Variants in NUBP2 observed in about 807,000 individuals in gnomAD.
NUBP2 encodes the protein NUBP iron-sulfur cluster assembly factor 2, cytosolic, also known as cytosolic Fe-S cluster assembly factor NUBP2.
Under a neutral mutation model 24.9 loss-of-function variants are expected in NUBP2, and 23 were observed. The ratio of observed to expected loss-of-function variants is 0.92; its 90% CI spans 0.66 to 1.31. The LOEUF is 1.31. NUBP2 is among the 50% of genes most tolerant of loss of function. The probability of loss-of-function intolerance (pLI) is 0.00; values close to 1 mark genes in which losing one functional copy is unlikely to be tolerated. For missense variants in NUBP2, 403 were observed against 386.5 expected, an observed-to-expected ratio of 1.04 and a Z score of -0.36; for synonymous variants, 186 against 170.9, an observed-to-expected ratio of 1.09 and a Z score of -0.69.
chr16:1,787,008 G>A, intron 3 of NUBP2, 53 bp downstream of exon 3: 2 of 1,440,202 alleles, frequency 1.4e-6, no homozygotes, highest in Non-Finnish European at 1.8e-6. Flanking sequence ...TAGCGTCCGT[G>A]CCGGCCTCTC....
chr16:1,784,060 C>T (rs1214780374), intron 1 of NUBP2: 8 of 975,214 alleles, frequency 8.2e-6, no homozygotes, highest in Non-Finnish European at 9.7e-6. Context: ...GACGGATTTA[C>T]TACAAAGTAA....
At chr16:1,786,049 G>A (rs954769433) in intron 1 of NUBP2, 43 of 1,129,674 alleles carry the variant, frequency 3.8e-5, no homozygotes, top group African/African-American at 3.4e-4. Flanking sequence ...TGCAGGGACC[G>A]AGAGCCGGGG....
Position 1,788,187 on chromosome 16 carries a change from T to C in NUBP2, c.650T>C (p.Leu217Pro), listed in dbSNP as rs1355143394. 1 of 1,508,548 alleles carries C rather than the reference T, an allele frequency of 6.6e-7. No homozygotes were observed. The highest frequency in any genetic ancestry group is 8.8e-7 in the Non-Finnish European group (1 of 1,131,824). The allele number at this position is 1,508,548 out of a possible 1,614,324, so 93.4% of individuals were successfully genotyped here. The change falls in exon 6 of 7, where the codon CTC (leucine) becomes CCC (proline). Residue 217 changes from leucine (L) to proline (P), a missense_variant. Leu to Pro is a moderately conservative substitution (Grantham distance 98, BLOSUM62 -3). Transcript: ENST00000262302. ...SRGGGEELAQ[L>P]AGVPFLGSVP... ...GGCGGCGGAGAGGAGCTGGCCCAGC[T>C]CGCCGGGGTGCCCTTCTTAGGTGAG...
intron 1 of NUBP2, 29 bp from the exon 2 acceptor site, chr16:1,786,508 C>T: frequency 6.4e-7 from 1 of 1,560,484 alleles, no homozygotes; most frequent in Non-Finnish European, 8.7e-7. Flanking sequence ...ACCAGGAGCC[C>T]TGACCTTCTC....
chr16:1,785,565 A>T, intron 1 of NUBP2: 1 of 1,232,056 alleles, frequency 8.1e-7, no homozygotes, highest in South Asian at 1.4e-5. Context: ...GTGTTGAAGT[A>T]ATTTAAGTCA....
Position 1,788,806 on chromosome 16 carries a change from CTGCAGGGGCAGGCCCAGGCA to C in NUBP2, c.*93_*112del. 1 of 1,442,152 alleles carries C rather than the reference CTGCAGGGGCAGGCCCAGGCA, an allele frequency of 6.9e-7. No homozygotes were observed. The highest frequency in any genetic ancestry group is 1.4e-5 in the African/African-American group (1 of 69,904). The allele number at this position is 1,442,152 out of a possible 1,614,324, so 89.3% of individuals were successfully genotyped here. ...GAGGCCTGGGCTCGGTTCCCGGGCC[CTGCAGGGGCAGGCCCAGGCA>C]GCGTCAGCCGGAGAGCTTCTCCCCG... On this transcript the variant is annotated 3_prime_UTR_variant, in exon 7 of 7. Transcript: ENST00000262302.
In NUBP2 at chr16:1,787,664, C is replaced by G. The variant is rs772929386; in HGVS notation, c.335-13C>G. ...GCCCTGCCCTGACCGCCCCGTCTGC[C>G]CCGTCTTTGCAGCGCTGATAAAGCA... On this transcript the variant is annotated splice_polypyrimidine_tract_variant and intron_variant, in intron 3 of 6. Coordinates refer to ENST00000262302, the MANE Select transcript of NUBP2 (RefSeq NM_012225.4). 21 of 1,611,280 alleles carry G rather than the reference C, an allele frequency of 1.3e-5. No individual in the cohort carries two copies. The East Asian group carries it at 4.7e-4, about 36-fold the overall frequency.
At chr16:1,785,817 G>A in intron 1 of NUBP2, 3 of 1,289,104 alleles carry the variant, frequency 2.3e-6, no homozygotes, top group Non-Finnish European at 2.0e-6. Flanking sequence ...CATGTGTTGA[G>A]CCCCTCACAT....
At position 1,787,985 on chromosome 16, in the gene NUBP2, G is replaced by A; in HGVS notation, c.534G>A (p.Arg178=). Residue 178 remains arginine (R), a synonymous_variant, in exon 5 of 7, where the codon AGG becomes AGA. Coordinates refer to ENST00000262302, the MANE Select transcript of NUBP2 (RefSeq NM_012225.4). ...GDVRRELTFC[R]KTGLRVMGIV... is the part of the protein sequence containing the mutation. ...TGAGGCGCGAGCTGACCTTCTGTAGGAAGACGGGCTTGCGGGTGATGGGAA... is the reference window on the plus strand; with the variant it reads ...TGAGGCGCGAGCTGACCTTCTGTAGAAAGACGGGCTTGCGGGTGATGGGAA... 19 of 1,605,214 alleles carry A rather than the reference G, an allele frequency of 1.2e-5. No homozygotes were observed. The highest frequency in any genetic ancestry group is 1.5e-5 in the Non-Finnish European group (18 of 1,177,394).
chr16:1,788,494 G>T, intron 6 of NUBP2, 75 bp from the exon 7 acceptor site: 1 of 1,485,650 alleles, frequency 6.7e-7, no homozygotes, highest in Non-Finnish European at 8.9e-7. Flanking sequence ...CGGGTGGTTC[G>T]GGTGCGTCCA....
At chr16:1,787,521 G>C (rs1897033844) in intron 3 of NUBP2, 156 bp from the exon 4 acceptor site, 2 of 987,976 alleles carry the variant, frequency 2.0e-6, no homozygotes, top group African/African-American at 3.2e-5. Context: ...TCCTGCAGCG[G>C]GCCAGGGCCT....
At chr16:1,785,112 T>A in intron 1 of NUBP2, 1 of 986,990 alleles carries the variant, frequency 1.0e-6, no homozygotes, top group Non-Finnish European at 1.2e-6. Context: ...ATGATCTGGA[T>A]TTGCTAACCC....
At position 1,786,803 on chromosome 16, in the gene NUBP2, T is replaced by G. The variant is rs149114461; in HGVS notation, c.182T>G (p.Met61Arg). ...VDLCGPSIPRMLGAQGRAVHQ... is the reference protein window; with the variant it reads ...VDLCGPSIPRRLGAQGRAVHQ... Reference sequence around the variant, plus strand: ...CTGTGTGGCCCCAGTATCCCCCGCATGCTCGGGGCGCAGGGCAGGGCTGTG... The same window carrying G: ...CTGTGTGGCCCCAGTATCCCCCGCAGGCTCGGGGCGCAGGGCAGGGCTGTG... Residue 61 changes from methionine (M) to arginine (R), a missense_variant, in exon 3 of 7, where the codon ATG becomes AGG. Coordinates refer to ENST00000262302, the MANE Select transcript of NUBP2 (RefSeq NM_012225.4). 4 of 1,610,048 alleles carry G rather than the reference T, an allele frequency of 2.5e-6. No individual in the cohort carries two copies. Among genetic ancestry groups the G allele is most frequent in the Non-Finnish European group, 3.4e-6 (4 of 1,178,232 alleles).
intron 1 of NUBP2, chr16:1,785,720 A>G (rs536532373): frequency 6.2e-6 from 8 of 1,289,070 alleles, no homozygotes; most frequent in African/African-American, 1.5e-5. Context: ...ACCCGCCTGC[A>G]TGCCAGGTTC....
chr16:1,782,976 G>A lies in NUBP2; in HGVS notation c.-45G>A, dbSNP rs899022276. 7 of 1,402,328 alleles carry A rather than the reference G, an allele frequency of 5.0e-6. No individual in the cohort carries two copies. The highest frequency in any genetic ancestry group is 6.5e-6 in the Non-Finnish European group (7 of 1,077,076). The allele number at this position is 1,402,328 out of a possible 1,614,324, so 86.9% of individuals were successfully genotyped here. On this transcript the variant is annotated 5_prime_UTR_variant, in exon 1 of 7. Coordinates refer to ENST00000262302, the MANE Select transcript of NUBP2 (RefSeq NM_012225.4). ...GCTCTAGCTGGGAGGCTGACGGCCCGCGGGCGTAAGCGGACTGCAGCCGCG... is the reference window on the plus strand; with the variant it reads ...GCTCTAGCTGGGAGGCTGACGGCCCACGGGCGTAAGCGGACTGCAGCCGCG...
chr16:1,786,778 C>G lies in NUBP2; in HGVS notation c.157C>G (p.Leu53Val). The part of the protein sequence containing the change: ...GKKVGILDVD[L>V]CGPSIPRMLG... ...GCAGGTGGGAATCCTGGATGTGGACCTGTGTGGCCCCAGTATCCCCCGCAT... is the reference window on the plus strand; with the variant it reads ...GCAGGTGGGAATCCTGGATGTGGACGTGTGTGGCCCCAGTATCCCCCGCAT... Residue 53 changes from leucine to valine, a missense_variant, in exon 3 of 7, where the codon CTG (leucine) becomes GTG (valine). By Grantham distance (32) the Leu-to-Val change is conservative. Coordinates refer to ENST00000262302, the MANE Select transcript of NUBP2 (RefSeq NM_012225.4). 5.0e-6 allele frequency: 8 copies of G among 1,611,278 alleles called. No homozygotes were observed. Among genetic ancestry groups the G allele is most frequent in the Non-Finnish European group, 6.8e-6 (8 of 1,178,962 alleles).
rs765826215 is a variant in NUBP2 at position 1,788,140 on chromosome 16, G to A, written c.603G>A (p.Glu201=). ...CTGGGCTCACCACCGTCTCCTAGGA[G>A]TGCACCAGCGTCTTCTCCAGGGGCG... The part of the protein sequence containing the change: ...MSGFTCPHCT[E]CTSVFSRGGG... Residue 201 remains glutamate (E), a splice_region_variant and synonymous_variant, in exon 6 of 7, where the codon GAG becomes GAA. Coordinates refer to ENST00000262302, the MANE Select transcript of NUBP2 (RefSeq NM_012225.4). 30 of 1,549,840 alleles carry A rather than the reference G, an allele frequency of 1.9e-5. No homozygotes were observed. Among genetic ancestry groups the A allele is most frequent in the Admixed American group, 4.3e-5 (2 of 46,858 alleles).
Position 1,787,994 on chromosome 16 carries a change from C to A in NUBP2, c.543C>A (p.Gly181=). Residue 181 remains glycine, a synonymous_variant, in exon 5 of 7, where the codon GGC becomes GGA. Transcript: ENST00000262302. ...AGCTGACCTTCTGTAGGAAGACGGG[C>A]TTGCGGGTGATGGGAATCGTGGAGA... ...RRELTFCRKT[G]LRVMGIVENM... 6.2e-7 allele frequency: 1 copy of A among 1,605,352 alleles called. No individual in the cohort carries two copies.
chr16:1,788,894 G>C lies in NUBP2; in HGVS notation c.*180G>C. 1 of 823,536 alleles carries C rather than the reference G, an allele frequency of 1.2e-6. No homozygotes were observed. Among genetic ancestry groups the C allele is most frequent in the Non-Finnish European group, 1.8e-6 (1 of 550,750 alleles). 51.0% of individuals were successfully genotyped at this position (823,536 alleles called of 1,614,324 possible). A position where few individuals can be genotyped will look rare whatever the true frequency, so the allele number is the denominator to read the frequency against. On this transcript the variant is annotated 3_prime_UTR_variant, in exon 7 of 7. Transcript: ENST00000262302. ...ATGTGTCGCACCAGCAGCTCTGCCTGGTTGGCCTGCAGTGCCGTGGTCTGC... is the reference window on the plus strand; with the variant it reads ...ATGTGTCGCACCAGCAGCTCTGCCTCGTTGGCCTGCAGTGCCGTGGTCTGC...
Sources: allele counts gnomAD v4.1 joint callset, GRCh38; gene constraint gnomAD v4.1.1; transcripts MANE v1.5; gene names NCBI Gene and HGNC (gene_info 2026-07-23, HGNC 2026-07-21).